PSMB1: variants seen among roughly 807,000 people sequenced by gnomAD.
The protein encoded by PSMB1 is proteasome 20S subunit beta 1, also known as proteasome subunit beta type-1.
A neutral mutation model predicts 25.4 loss-of-function variants in PSMB1; 7 were observed. The observed-to-expected ratio is 0.28, with a 90% CI of 0.16 to 0.52. The LOEUF (loss-of-function observed/expected upper bound fraction) is 0.52. Ranked by LOEUF, PSMB1 falls within the 20% of genes least tolerant of loss-of-function variation. PSMB1 has a pLI of 0.97. For missense variants in PSMB1, 284 were observed against 302.2 expected, an observed-to-expected ratio of 0.94 and a Z score of 0.45; for synonymous variants, 119 against 115.0, an observed-to-expected ratio of 1.03 and a Z score of -0.22.
intron 4 of PSMB1, among the ~76,000 whole-genome samples, chr6:170,540,212 C>T (rs1402420644): frequency 6.6e-6 from 1 of 152,114 alleles, no homozygotes; most frequent in African/African-American, 2.4e-5. Flanking sequence ...TGGAGCACTG[C>T]TCTCCAGGTC....
Position 170,543,634 on chromosome 6 carries a change from C to T in PSMB1, c.400G>A (p.Val134Ile). The T allele has an allele frequency of 6.2e-7, 1 of 1,611,926 alleles. No homozygotes were observed. The highest frequency in any genetic ancestry group is 1.3e-5 in the African/African-American group (1 of 74,962). Residue 134 changes from valine to isoleucine, a missense_variant, in exon 4 of 6, where the codon GTT becomes ATT. By Grantham distance (29) the Val-to-Ile change is conservative (BLOSUM62 3). Coordinates refer to ENST00000262193, the MANE Select transcript of PSMB1 (RefSeq NM_002793.4). ...LYSRRFFPYY[V>I]YNIIGGLDEE... ...TCAAGTCCACCGATGATGTTGTAAA[C>T]ATAGTATGGAAAGAAGCGCCTTGAA...
In PSMB1 at chr6:170,535,339, C is replaced by T; in HGVS notation, c.607G>A (p.Val203Met). 1 of 1,614,176 alleles carries T rather than the reference C, an allele frequency of 6.2e-7. No individual in the cohort carries two copies. Among genetic ancestry groups the T allele is most frequent in the Non-Finnish European group, 8.5e-7 (1 of 1,180,024 alleles). The change falls in exon 6 of 6, where the codon GTG becomes ATG. Residue 203 changes from valine to methionine, a missense_variant. By Grantham distance (21) the Val-to-Met change is conservative (BLOSUM62 1). Coordinates refer to ENST00000262193, the MANE Select transcript of PSMB1 (RefSeq NM_002793.4). ...PLSLDRAMRL[V>M]KDVFISAAER... ...GCCGCAGAAATGAAGACATCTTTCA[C>T]CAGCCGCATGGCTCTGTCCAAGGAC...
chr6:170,543,744 T>TA lies in PSMB1; in HGVS notation c.304-15dup, dbSNP rs1354531028. 1 of 1,601,802 alleles carries TA rather than the reference T, an allele frequency of 6.2e-7. No homozygotes were observed. Among genetic ancestry groups the TA allele is most frequent in the Non-Finnish European group, 8.5e-7 (1 of 1,174,272 alleles). On this transcript the variant is annotated splice_polypyrimidine_tract_variant and intron_variant, in intron 3 of 5. Transcript: ENST00000262193. ...ATGCTTATACATCTGCAATTATTGA[T>TA]AAAAGTCACAGGCATGTAGAGGCAG...
intron 3 of PSMB1, 130 bp from the exon 4 acceptor site, chr6:170,543,860 TG>T (rs1583114751): frequency 1.0e-6 from 1 of 964,360 alleles, no homozygotes. Flanking sequence ...ATTTCCTTCA[TG>T]ATCAACCAAC....
At position 170,535,314 on chromosome 6, in the gene PSMB1, G is replaced by C. The variant is rs1243758384; in HGVS notation, c.632C>G (p.Ala211Gly). 6.2e-7 allele frequency: 1 copy of C among 1,613,960 alleles called. No individual in the cohort carries two copies. The highest frequency in any genetic ancestry group is 1.3e-5 in the African/African-American group (1 of 74,908). Reference protein sequence around the residue: ...RLVKDVFISAAERDVYTGDAL... With the variant: ...RLVKDVFISAGERDVYTGDAL... ...GTCCCCAGTGTACACATCTCTCTCA[G>C]CCGCAGAAATGAAGACATCTTTCAC... Residue 211 changes from alanine to glycine, a missense_variant, in exon 6 of 6, where the codon GCT becomes GGT. Ala to Gly is a moderately conservative substitution (Grantham distance 60). Coordinates refer to ENST00000262193, the MANE Select transcript of PSMB1 (RefSeq NM_002793.4).
chr6:170,535,387 G>T lies in PSMB1; in HGVS notation c.559C>A (p.Gln187Lys), dbSNP rs761254504. 24 of 1,613,124 alleles carry T rather than the reference G, an allele frequency of 1.5e-5. No homozygotes were observed. In the Admixed American group the frequency reaches 4.0e-4, roughly 27 times the overall value. Residue 187 changes from glutamine to lysine, a missense_variant, in exon 6 of 6, where the codon CAG (glutamine) becomes AAG (lysine). Physicochemically the swap from Gln to Lys is moderately conservative, Grantham distance 53. Coordinates refer to ENST00000262193, the MANE Select transcript of PSMB1 (RefSeq NM_002793.4). Reference protein sequence around the residue: ...LDNQVGFKNMQNVEHVPLSLD... With the variant: ...LDNQVGFKNMKNVEHVPLSLD... Reference sequence around the variant, plus strand: ...GACAGCGGAACATGCTCCACATTCTGCATGTTCTTAAAACCAACCTGGTGG... The same window carrying T: ...GACAGCGGAACATGCTCCACATTCTTCATGTTCTTAAAACCAACCTGGTGG...
At chr6:170,545,997 C>T in intron 3 of PSMB1, 106 bp downstream of exon 3, 1 of 888,412 alleles carries the variant, frequency 1.1e-6, no homozygotes, top group South Asian at 1.5e-5. Flanking sequence ...ATCTACTAAC[C>T]TAGTGACTCT....
At chr6:170,537,624 A>G (rs1212517977) in intron 4 of PSMB1, among the ~76,000 whole-genome samples, 1 of 152,186 alleles carries the variant, frequency 6.6e-6, no homozygotes, top group Non-Finnish European at 1.5e-5. Context: ...TAGGCTTGGG[A>G]GTTAAAATAC....
At chr6:170,535,446 T>G (rs1313791647) in intron 5 of PSMB1, 41 bp from the exon 6 acceptor site, 2 of 1,542,364 alleles carry the variant, frequency 1.3e-6, no homozygotes, top group African/African-American at 1.4e-5. Context: ...CATGTGACAG[T>G]GAGCACAAAG....
At chr6:170,540,214 C>A (rs971878316) in intron 4 of PSMB1, among the ~76,000 whole-genome samples, 1 of 152,108 alleles carries the variant, frequency 6.6e-6, no homozygotes, top group South Asian at 2.1e-4. Context: ...GAGCACTGCT[C>A]TCCAGGTCCC....
At position 170,553,264 on chromosome 6, in the gene PSMB1, C is replaced by T; in HGVS notation, c.-22G>A. On this transcript the variant is annotated 5_prime_UTR_variant, in exon 1 of 6. Coordinates refer to ENST00000262193, the MANE Select transcript of PSMB1 (RefSeq NM_002793.4). The stretch of plus-strand genomic sequence containing the variant: ...ACATCGCACGGCTGCGCCTGCGGAT[C>T]CGACACTTGCTGTCTCACGGCGAGA... The T allele has an allele frequency of 8.3e-6, 13 of 1,558,804 alleles. No individual in the cohort carries two copies. The highest frequency in any genetic ancestry group is 1.1e-5 in the Non-Finnish European group (13 of 1,136,610).
In PSMB1 at chr6:170,537,315, A is replaced by G; in HGVS notation, c.459T>C (p.Asp153=). Residue 153 remains aspartate (D), a synonymous_variant, in exon 5 of 6, where the codon GAT becomes GAC. Coordinates refer to ENST00000262193, the MANE Select transcript of PSMB1 (RefSeq NM_002793.4). The part of the protein sequence containing the change: ...EEGKGAVYSF[D]PVGSYQRDSF... Reference sequence around the variant, plus strand: ...AGTCTCTCTGGTAAGACCCTACTGGATCAAAGCTGTATACAGCCCCCTTTC... The same window carrying G: ...AGTCTCTCTGGTAAGACCCTACTGGGTCAAAGCTGTATACAGCCCCCTTTC... 1 of 1,614,102 alleles carries G rather than the reference A, an allele frequency of 6.2e-7. No individual in the cohort carries two copies. The highest frequency in any genetic ancestry group is 8.5e-7 in the Non-Finnish European group (1 of 1,179,966).
At chr6:170,540,149 G>A (rs748310043) in intron 4 of PSMB1, among the ~76,000 whole-genome samples, 2 of 152,126 alleles carry the variant, frequency 1.3e-5, no homozygotes, top group Non-Finnish European at 2.9e-5. Flanking sequence ...TGCAGACAGC[G>A]GTTGACACCA....
chr6:170,538,121 G>A (rs1030030069), intron 4 of PSMB1, among the ~76,000 whole-genome samples: 2 of 152,210 alleles, frequency 1.3e-5, no homozygotes, highest in African/African-American at 4.8e-5. Context: ...TGAATTAGAG[G>A]CAAGAAAAGA....
chr6:170,551,522 G>T (rs1413478871), intron 1 of PSMB1, among the ~76,000 whole-genome samples: 1 of 152,194 alleles, frequency 6.6e-6, no homozygotes, highest in Admixed American at 6.5e-5. Context: ...GTAATTTTTA[G>T]GGCAGTAATG....
intron 4 of PSMB1, among the ~76,000 whole-genome samples, 185 bp from the exon 5 acceptor site, chr6:170,537,525 T>G (rs1212443214): frequency 6.6e-6 from 1 of 152,190 alleles, no homozygotes; most frequent in East Asian, 1.9e-4. Context: ...GTTGCACATG[T>G]GACAGCCAGA....
chr6:170,549,286 G>A, intron 1 of PSMB1, 173 bp from the exon 2 acceptor site: 2 of 501,178 alleles, frequency 4.0e-6, no homozygotes, highest in South Asian at 3.4e-5. Context: ...GCTACGAGTT[G>A]TCTGGGAAAA....
intron 1 of PSMB1, among the ~76,000 whole-genome samples, chr6:170,551,172 G>A (rs1388767132): frequency 2.0e-5 from 3 of 152,056 alleles, no homozygotes; most frequent in Non-Finnish European, 2.9e-5. Flanking sequence ...AAGAGGAGAT[G>A]AAGGGGAATA....
At chr6:170,553,107 C>T in intron 1 of PSMB1, 23 bp downstream of exon 1, 1 of 1,570,310 alleles carries the variant, frequency 6.4e-7, no homozygotes, top group East Asian at 2.3e-5. Context: ...AAAGTGAAAG[C>T]CGCAGCTCTC....
Sources: allele counts gnomAD v4.1 joint callset (sites outside exome capture counted in the v4.1 genomes callset), GRCh38; gene constraint gnomAD v4.1.1; transcripts MANE v1.5; gene names NCBI Gene and HGNC (gene_info 2026-07-23, HGNC 2026-07-21).